The following ESRRG variants were observed in gnomAD, a reference collection of about 807,000 sequenced individuals.
The protein encoded by ESRRG is estrogen-related receptor gamma.
ESRRG carries 13 observed loss-of-function variants against 44.0 expected under a neutral mutation model. The observed-to-expected ratio is 0.30, with a 90% CI of 0.19 to 0.47. The LOEUF (loss-of-function observed/expected upper bound fraction) is 0.47. Among genes scored for constraint, ESRRG ranks in the 20% least tolerant of loss-of-function variants. ESRRG has a pLI of 1.00. For synonymous variants in ESRRG, 215 were observed against 214.6 expected, an observed-to-expected ratio of 1.00 and a Z score of -0.02; for missense variants, 395 against 580.6, an observed-to-expected ratio of 0.68 and a Z score of 3.29.
At chr1:217,092,532 C>T (rs1274528300), upstream of ESRRG, among the ~76,000 whole-genome samples, 2 of 152,152 alleles carry the variant, frequency 1.3e-5, no homozygotes, top group South Asian at 4.1e-4. Context: ...CCATCAAGCT[C>T]TCTGCTTACC....
chr1:216,643,498 A>T (rs1272330390), intron 3 of ESRRG, among the ~76,000 whole-genome samples: 1 of 152,170 alleles, frequency 6.6e-6, no homozygotes, highest in Non-Finnish European at 1.5e-5. Flanking sequence ...GCAATTCTGG[A>T]TGGATTTAAA....
At chr1:216,879,955 T>A (rs1012460514) in intron 2 of ESRRG, among the ~76,000 whole-genome samples, 26 of 152,296 alleles carry the variant, frequency 1.7e-4, no homozygotes, top group African/African-American at 6.3e-4. Flanking sequence ...TAAATGCCTC[T>A]GTATTGACAA....
intron 3 of ESRRG, among the ~76,000 whole-genome samples, chr1:216,629,580 G>C (rs1290366286): frequency 6.6e-6 from 1 of 152,176 alleles, no homozygotes; most frequent in Admixed American, 6.5e-5. Flanking sequence ...CACCAGAGCA[G>C]ACTCTAATCA....
At chr1:216,762,607 A>T (rs2092849662) in intron 2 of ESRRG, among the ~76,000 whole-genome samples, 1 of 151,838 alleles carries the variant, frequency 6.6e-6, no homozygotes, top group Admixed American at 6.6e-5. Context: ...CTAATGCTAG[A>T]TGAGGAGTTA....
chr1:216,829,549 G>GTTTTTTT (rs66515526), intron 2 of ESRRG, among the ~76,000 whole-genome samples: 5 of 135,632 alleles, frequency 3.7e-5, no homozygotes, highest in Non-Finnish European at 6.3e-5. Context: ...AAATGCCACA[G>GTTTTTTT]TTTTTTTTTT....
chr1:217,066,401 C>T (rs1016338804), intron 1 of ESRRG, among the ~76,000 whole-genome samples: 1 of 151,302 alleles, frequency 6.6e-6, no homozygotes, highest in Non-Finnish European at 1.5e-5. Context: ...ACTACAGGTG[C>T]CCACTAATTT....
intron 2 of ESRRG, among the ~76,000 whole-genome samples, chr1:216,768,364 C>A (rs947960519): frequency 5.9e-5 from 9 of 152,054 alleles, no homozygotes; most frequent in African/African-American, 2.2e-4. Context: ...AAAAACATTT[C>A]TTGGAGAAAG....
intron 2 of ESRRG, among the ~76,000 whole-genome samples, chr1:216,838,863 T>C (rs2095608269): frequency 2.6e-5 from 4 of 152,204 alleles, no homozygotes; most frequent in Admixed American, 2.0e-4. Context: ...GAGCCTTCAG[T>C]GAGTCGTAAT....
intron 1 of ESRRG, among the ~76,000 whole-genome samples, chr1:217,104,802 T>G (rs1470279505): frequency 6.6e-6 from 1 of 152,224 alleles, no homozygotes; most frequent in Non-Finnish European, 1.5e-5. Flanking sequence ...ATAATAGATT[T>G]TGTATCCAAT....
At chr1:216,556,617 C>G (rs2057640407) in intron 5 of ESRRG, among the ~76,000 whole-genome samples, 1 of 152,136 alleles carries the variant, frequency 6.6e-6, no homozygotes, top group Non-Finnish European at 1.5e-5. Flanking sequence ...TTTTCCTTAG[C>G]ATAAAATTCA....
At chr1:216,564,925 T>TATATAA in intron 4 of ESRRG, among the ~76,000 whole-genome samples, 1 of 152,110 alleles carries the variant, frequency 6.6e-6, no homozygotes, top group East Asian at 1.9e-4. Flanking sequence ...ACTATATAAC[T>TATATAA]CTATCTCCGT....
chr1:216,675,098 T>C (rs2075860324), intron 2 of ESRRG, among the ~76,000 whole-genome samples: 1 of 151,832 alleles, frequency 6.6e-6, no homozygotes, highest in South Asian at 2.1e-4. Context: ...CGGTGGCTCA[T>C]GCCTGTAATC....
intron 1 of ESRRG, among the ~76,000 whole-genome samples, chr1:217,079,074 G>A (rs114973457): frequency 0.026 from 3,919 of 152,284 alleles, 70 homozygotes; most frequent in Non-Finnish European, 0.039. Context: ...TAACATAGAA[G>A]AGAGTGAAAA....
chr1:216,899,391 C>T (rs2058800119), intron 2 of ESRRG, among the ~76,000 whole-genome samples: 1 of 152,204 alleles, frequency 6.6e-6, no homozygotes, highest in Non-Finnish European at 1.5e-5. Flanking sequence ...TATATTTCTA[C>T]TCTTCATCCA....
At chr1:216,938,330 G>A (rs1433611946) in intron 2 of ESRRG, among the ~76,000 whole-genome samples, 1 of 152,194 alleles carries the variant, frequency 6.6e-6, no homozygotes, top group Admixed American at 6.5e-5. Context: ...AGAAGTAGAT[G>A]TAGGTATCAC....
intron 1 of ESRRG, among the ~76,000 whole-genome samples, chr1:217,011,840 T>G (rs1055566781): frequency 6.6e-6 from 1 of 152,182 alleles, no homozygotes; most frequent in Non-Finnish European, 1.5e-5. Context: ...TCAGCCTGGA[T>G]GTCTAGTTTC....
chr1:217,104,324 A>G (rs1335560301), intron 1 of ESRRG, among the ~76,000 whole-genome samples: 2 of 152,172 alleles, frequency 1.3e-5, no homozygotes, highest in Non-Finnish European at 2.9e-5. Flanking sequence ...ACTGTTTAAA[A>G]CATAGATGAA....
intron 3 of ESRRG, among the ~76,000 whole-genome samples, chr1:216,613,321 T>G (rs937774539): frequency 1.3e-5 from 2 of 152,206 alleles, no homozygotes; most frequent in African/African-American, 4.8e-5. Flanking sequence ...ATTAATTTTA[T>G]GAAACCCTAT....
At chr1:216,946,972 C>A (rs2066162994) in intron 1 of ESRRG, among the ~76,000 whole-genome samples, 2 of 152,102 alleles carry the variant, frequency 1.3e-5, no homozygotes, top group Admixed American at 1.3e-4. Context: ...AGTGCCATTA[C>A]AGGTGTGAGC....
Sources: gnomAD v4.1 joint callset for allele counts (sites outside exome capture counted in the v4.1 genomes callset) on GRCh38, gnomAD v4.1.1 for gene constraint, MANE v1.5 for transcripts, NCBI Gene and HGNC (gene_info 2026-07-23, HGNC 2026-07-21) for gene names.